Variants in AGPS observed in about 807,000 individuals in gnomAD.
AGPS encodes alkyldihydroxyacetonephosphate synthase, peroxisomal.
AGPS carries 26 observed loss-of-function variants against 90.7 expected under a neutral mutation model. The ratio of observed to expected loss-of-function variants is 0.29; its 90% CI spans 0.21 to 0.40. The LOEUF is 0.40. AGPS is among the 10% of genes least tolerant of loss of function. The probability of loss-of-function intolerance (pLI) is 1.00; values close to 1 mark genes in which losing one functional copy is unlikely to be tolerated. For synonymous variants in AGPS, 294 were observed against 285.3 expected (o/e 1.03, Z -0.31); for missense variants, 540 against 816.1 (o/e 0.66, Z 4.12).
intron 8 of AGPS, among the ~76,000 whole-genome samples, chr2:177,456,256 C>G (rs1687105906): frequency 1.3e-5 from 2 of 152,156 alleles, no homozygotes; most frequent in Non-Finnish European, 2.9e-5. Context: ...GCAAATTTTT[C>G]TTACCAGCTA....
chr2:177,437,591 A>C (rs1309838997), intron 5 of AGPS, among the ~76,000 whole-genome samples: 1 of 152,150 alleles, frequency 6.6e-6, no homozygotes, highest in Non-Finnish European at 1.5e-5. Context: ...CTTAGTGAGT[A>C]GTAGGTACTA....
chr2:177,534,773 T>G (rs1306547101), intron 19 of AGPS, among the ~76,000 whole-genome samples: 1 of 151,538 alleles, frequency 6.6e-6, no homozygotes, highest in African/African-American at 2.4e-5. Flanking sequence ...TTTTTATTTT[T>G]ATTTTTTTAG....
In AGPS at chr2:177,540,681, T is replaced by A. The variant is rs1249936316; in HGVS notation, c.*2486T>A. On this transcript the variant is annotated 3_prime_UTR_variant, in exon 20 of 20. Transcript: ENST00000264167. Reference sequence around the variant, plus strand: ...TCATTTTTAATGTTTATTTTTAATTTCAAAAACTTGTTGCCTATTTGGTTT... The same window carrying A: ...TCATTTTTAATGTTTATTTTTAATTACAAAAACTTGTTGCCTATTTGGTTT... 6.6e-6 allele frequency: 1 copy of A among 152,118 alleles called. No individual in the cohort carries two copies. Among genetic ancestry groups the A allele is most frequent in the Admixed American group, 6.6e-5 (1 of 15,248 alleles). 9.4% of individuals were successfully genotyped at this position (152,118 alleles called of 1,614,324 possible).
chr2:177,413,890 G>A (rs552152466), intron 1 of AGPS, among the ~76,000 whole-genome samples: 4 of 152,262 alleles, frequency 2.6e-5, no homozygotes, highest in Non-Finnish European at 5.9e-5. Context: ...TTTCAAATGC[G>A]TCATTCAAAC....
At chr2:177,534,544 C>G (rs2079165915) in intron 19 of AGPS, among the ~76,000 whole-genome samples, 1 of 96,892 alleles carries the variant, frequency 1.0e-5, no homozygotes, top group African/African-American at 3.8e-5. Context: ...CACAGCCCCC[C>G]ACCCCCCGCC....
chr2:177,431,741 AGT>A (rs1388471067), intron 2 of AGPS, among the ~76,000 whole-genome samples: 1 of 152,202 alleles, frequency 6.6e-6, no homozygotes, highest in East Asian at 1.9e-4. Context: ...CCCCGCAGGC[AGT>A]CAGACCTTTG....
intron 12 of AGPS, among the ~76,000 whole-genome samples, chr2:177,494,972 C>T (rs192297346): frequency 2.0e-5 from 3 of 152,122 alleles, no homozygotes; most frequent in Admixed American, 2.0e-4. Context: ...GCTGATTGGT[C>T]GGTGTTTATA....
rs543759622 is a variant in AGPS at position 177,422,891 on chromosome 2, C to G, written c.350+2533C>G. 1.1e-4 allele frequency among the ~76,000 whole-genome samples: 17 copies of G among 152,066 alleles called. 3 individuals carry two copies. The highest frequency in any genetic ancestry group is 3.6e-4 in the African/African-American group (15 of 41,482). Reference sequence around the variant, plus strand: ...ACAAACACTCTTAAGATAATAATATCTACTATTTATTGAGTATCTACTGAG... The same window carrying G: ...ACAAACACTCTTAAGATAATAATATGTACTATTTATTGAGTATCTACTGAG... On this transcript the variant is annotated intron_variant, in intron 2 of 19. Transcript: ENST00000264167.
At chr2:177,452,628 A>C (rs555545994) in intron 8 of AGPS, among the ~76,000 whole-genome samples, 4 of 152,248 alleles carry the variant, frequency 2.6e-5, no homozygotes, top group African/African-American at 9.6e-5. Flanking sequence ...CTAAGTTGAC[A>C]ATCACTACCT....
At chr2:177,536,186 C>T (rs1262601432) in intron 19 of AGPS, among the ~76,000 whole-genome samples, 1 of 152,108 alleles carries the variant, frequency 6.6e-6, no homozygotes, top group Non-Finnish European at 1.5e-5. Flanking sequence ...GTTGGGCATC[C>T]TGCTGAGGTT....
At chr2:177,535,579 T>TTATTGATC (rs1407130576) in intron 19 of AGPS, among the ~76,000 whole-genome samples, 4 of 152,222 alleles carry the variant, frequency 2.6e-5, no homozygotes, top group Non-Finnish European at 1.5e-5. Context: ...GTTTGTTGTT[T>TTATTGATC]TATTGATCCA....
chr2:177,510,178 A>T (rs1688829988), intron 16 of AGPS, among the ~76,000 whole-genome samples: 1 of 152,150 alleles, frequency 6.6e-6, no homozygotes, highest in Non-Finnish European at 1.5e-5. Flanking sequence ...ACAGCTCTGG[A>T]GGCTTGGAGT....
intron 17 of AGPS, among the ~76,000 whole-genome samples, chr2:177,520,981 A>G (rs1425454154): frequency 6.6e-6 from 1 of 152,244 alleles, no homozygotes; most frequent in Non-Finnish European, 1.5e-5. Flanking sequence ...AAGTTTTAGT[A>G]ACATGGGACA....
intron 8 of AGPS, among the ~76,000 whole-genome samples, chr2:177,446,601 G>A (rs1301564358): frequency 6.6e-6 from 1 of 152,108 alleles, no homozygotes; most frequent in Non-Finnish European, 1.5e-5. Flanking sequence ...ATCATAAAGG[G>A]CCTTATAAAG....
intron 9 of AGPS, among the ~76,000 whole-genome samples, chr2:177,467,618 T>C (rs1687492731): frequency 1.3e-5 from 2 of 152,314 alleles, no homozygotes; most frequent in African/African-American, 2.4e-5. Flanking sequence ...TGTTAATTGC[T>C]AGTGAATGTA....
At chr2:177,437,875 G>C (rs1263135068) in intron 5 of AGPS, among the ~76,000 whole-genome samples, 2 of 152,180 alleles carry the variant, frequency 1.3e-5, no homozygotes, top group Non-Finnish European at 2.9e-5. Context: ...AGGCAGGTGA[G>C]ATACACAGAA....
intron 2 of AGPS, among the ~76,000 whole-genome samples, chr2:177,425,644 A>AG (rs58811696): frequency 2.0e-5 from 3 of 150,108 alleles, no homozygotes; most frequent in Non-Finnish European, 1.5e-5. Flanking sequence ...AAAAAAAAAA[A>AG]GGAAATCCTT....
chr2:177,429,909 G>C (rs1024659430), intron 2 of AGPS, among the ~76,000 whole-genome samples: 2 of 152,198 alleles, frequency 1.3e-5, no homozygotes, highest in Non-Finnish European at 2.9e-5. Context: ...CAACTGAACT[G>C]CAGAGACATC....
chr2:177,394,415 C>A (rs181377918), intron 1 of AGPS, among the ~76,000 whole-genome samples: 1 of 152,130 alleles, frequency 6.6e-6, no homozygotes, highest in Non-Finnish European at 1.5e-5. Context: ...TCTTGGCATA[C>A]AAACAGTATG....
Sources: gnomAD v4.1 joint callset for allele counts (sites outside exome capture counted in the v4.1 genomes callset) on GRCh38, gnomAD v4.1.1 for gene constraint, MANE v1.5 for transcripts, NCBI Gene and HGNC (gene_info 2026-07-23, HGNC 2026-07-21) for gene names.